KAZN: variants seen among roughly 807,000 people sequenced by gnomAD.
The protein encoded by KAZN is kazrin, periplakin interacting protein, also known as kazrin.
KAZN carries 40 observed loss-of-function variants against 87.4 expected under a neutral mutation model. The ratio of observed to expected loss-of-function variants is 0.46; its 90% CI spans 0.36 to 0.60. The LOEUF (loss-of-function observed/expected upper bound fraction) is 0.60, where lower values mean the gene tolerates loss of function less well. Ranked by LOEUF, KAZN falls within the 20% of genes least tolerant of loss-of-function variation. The pLI is 0.00. For missense variants in KAZN, 898 were observed against 1,073.9 expected (o/e 0.84, Z 2.29); for synonymous variants, 466 against 458.3 (o/e 1.02, Z -0.22).
intron 2 of KAZN, among the ~76,000 whole-genome samples, chr1:14,222,468 T>C (rs1045650606): frequency 6.6e-6 from 1 of 152,172 alleles, no homozygotes; most frequent in Admixed American, 6.5e-5. Context: ...AAGGAGTCTA[T>C]GTTTCTGCTT....
At chr1:13,904,995 A>G (rs1639384219) in intron 1 of KAZN, among the ~76,000 whole-genome samples, 1 of 151,970 alleles carries the variant, frequency 6.6e-6, no homozygotes, top group Admixed American at 6.6e-5. Context: ...TGGTTCATTA[A>G]TTTTCTTTCT....
At chr1:14,520,699 G>A (rs1671540346) in intron 2 of KAZN, among the ~76,000 whole-genome samples, 2 of 152,222 alleles carry the variant, frequency 1.3e-5, no homozygotes, top group Admixed American at 1.3e-4. Context: ...CCTGGTATCT[G>A]TTTGGGCAGA....
At chr1:14,696,478 A>T (rs1572247552) in intron 1 of KAZN, among the ~76,000 whole-genome samples, 1 of 152,210 alleles carries the variant, frequency 6.6e-6, no homozygotes, top group African/African-American at 2.4e-5. Context: ...GAACCAGGTC[A>T]TGGAGGATCT....
At position 15,060,313 on chromosome 1, in the gene KAZN, C is replaced by G. The variant is rs201419213; in HGVS notation, c.1047+11C>G. 3 of 1,614,070 alleles carry G rather than the reference C, an allele frequency of 1.9e-6. No homozygotes were observed. Among genetic ancestry groups the G allele is most frequent in the Non-Finnish European group, 2.5e-6 (3 of 1,179,932 alleles). On this transcript the variant is annotated intron_variant, in intron 6 of 14. Transcript: ENST00000376030. ...CACTCCCTCTGCAACGTAAGGCCAG[C>G]AGCAGCGGGGCCTGGGCCCCTGGGC...
At chr1:14,296,951 C>T (rs1654169567) in intron 2 of KAZN, among the ~76,000 whole-genome samples, 1 of 152,060 alleles carries the variant, frequency 6.6e-6, no homozygotes, top group Non-Finnish European at 1.5e-5. Flanking sequence ...TATCGTTATG[C>T]ACAAAGAACA....
intron 3 of KAZN, among the ~76,000 whole-genome samples, chr1:15,037,873 A>G (rs1672498333): frequency 6.6e-6 from 1 of 152,150 alleles, no homozygotes; most frequent in Non-Finnish European, 1.5e-5. Context: ...TCTGGGAGGG[A>G]CAGAGGGTCT....
At chr1:14,768,043 G>A (rs1380710115) in intron 1 of KAZN, among the ~76,000 whole-genome samples, 5 of 152,144 alleles carry the variant, frequency 3.3e-5, no homozygotes, top group South Asian at 2.1e-4. Context: ...TAATGCACGC[G>A]TATGTCGCCG....
intron 2 of KAZN, among the ~76,000 whole-genome samples, chr1:14,246,347 AT>A (rs1260149916): frequency 6.6e-6 from 1 of 151,994 alleles, no homozygotes; most frequent in East Asian, 1.9e-4. Flanking sequence ...AATATATAGT[AT>A]TTTTTGTTGT....
chr1:15,078,730 A>C (rs1484050390), intron 8 of KAZN, among the ~76,000 whole-genome samples: 1 of 152,198 alleles, frequency 6.6e-6, no homozygotes, highest in Non-Finnish European at 1.5e-5. Context: ...TGCAGCGCGC[A>C]TGCTGTTCCT....
chr1:14,335,760 C>CAGAGAGAG (rs34561318), intron 2 of KAZN, among the ~76,000 whole-genome samples: 2 of 149,304 alleles, frequency 1.3e-5, no homozygotes, highest in Non-Finnish European at 3.0e-5. Context: ...CACACACACA[C>CAGAGAGAG]AGAGAGAGAG....
At chr1:14,141,582 T>C (rs10754912) in intron 1 of KAZN, among the ~76,000 whole-genome samples, 102,445 of 151,810 alleles carry the variant, frequency 0.67, 35,794 homozygotes, top group African/African-American at 0.84. Flanking sequence ...TGTAAATCAC[T>C]CCTTGGGCCT....
intron 13 of KAZN, among the ~76,000 whole-genome samples, chr1:15,108,411 G>T (rs1479787307): frequency 1.3e-5 from 2 of 152,178 alleles, no homozygotes; most frequent in Non-Finnish European, 2.9e-5. Flanking sequence ...TGGCTCCTCC[G>T]CCATCATCGT....
chr1:14,477,115 G>A (rs920342242), intron 2 of KAZN, among the ~76,000 whole-genome samples: 11 of 152,268 alleles, frequency 7.2e-5, no homozygotes, highest in South Asian at 6.2e-4. Context: ...CCCACATGTC[G>A]TGGAAGGAAC....
intron 2 of KAZN, among the ~76,000 whole-genome samples, chr1:14,516,187 T>C (rs550686420): frequency 1.3e-5 from 2 of 152,342 alleles, no homozygotes; most frequent in South Asian, 4.1e-4. Context: ...TTGATGGTGC[T>C]GAAGGTTAGA....
chr1:14,293,649 G>A (rs1046056356), intron 2 of KAZN, among the ~76,000 whole-genome samples: 3 of 151,166 alleles, frequency 2.0e-5, no homozygotes, highest in Admixed American at 6.6e-5. Flanking sequence ...TGTTAGATGT[G>A]TCCAGAAAAC....
intron 2 of KAZN, among the ~76,000 whole-genome samples, chr1:14,472,494 G>A (rs916657474): frequency 1.3e-5 from 2 of 152,176 alleles, no homozygotes; most frequent in East Asian, 1.9e-4. Context: ...ATGGAACAGG[G>A]CCTTTCTTTT....
At chr1:14,188,201 G>A (rs1246485994) in intron 2 of KAZN, among the ~76,000 whole-genome samples, 19 of 91,540 alleles carry the variant, frequency 2.1e-4, no homozygotes, top group African/African-American at 5.7e-4. Context: ...GAGCGTGTGT[G>A]TGTGTGTGTG....
intron 1 of KAZN, among the ~76,000 whole-genome samples, chr1:13,900,692 T>C (rs1008740872): frequency 6.6e-6 from 1 of 152,100 alleles, no homozygotes; most frequent in Non-Finnish European, 1.5e-5. Context: ...ATGGCTTGGG[T>C]TCAAATTCCA....
In KAZN at chr1:14,679,600, T is replaced by A. The variant is rs181235186; in HGVS notation, c.226+80377T>A. ...TGAAAGGCACCAAGATGTCCAAGCA[T>A]TGTAAACTCTAGAAAATAAAAAACA... On this transcript the variant is annotated intron_variant, in intron 1 of 14. Transcript: ENST00000376030. Among the ~76,000 whole-genome samples the A allele has an allele frequency of 6.2e-4, 95 of 152,288 alleles. 1 individual carries two copies. Among genetic ancestry groups the A allele is most frequent in the African/African-American group, 2.2e-3 (93 of 41,556 alleles).
Sources: gnomAD v4.1 joint callset for allele counts (sites outside exome capture counted in the v4.1 genomes callset) on GRCh38, gnomAD v4.1.1 for gene constraint, MANE v1.5 for transcripts, NCBI Gene and HGNC (gene_info 2026-07-23, HGNC 2026-07-21) for gene names.